Variants in CADPS2 observed in about 807,000 individuals in gnomAD.
CADPS2 encodes calcium-dependent secretion activator 2.
In CADPS2, 93 loss-of-function variants were observed where a neutral mutation model predicts 172.5. That is an observed-to-expected ratio of 0.54 (90% CI 0.46 to 0.64). The LOEUF is 0.64. Among genes scored for constraint, CADPS2 ranks in the 30% least tolerant of loss-of-function variants. CADPS2 has a pLI of 0.00. For synonymous variants in CADPS2, 546 were observed against 555.2 expected (o/e 0.98, Z 0.23); for missense variants, 1,420 against 1,565.9 (o/e 0.91, Z 1.57).
At chr7:122,575,863 C>T (rs2067973196) in intron 7 of CADPS2, among the ~76,000 whole-genome samples, 1 of 152,096 alleles carries the variant, frequency 6.6e-6, no homozygotes, top group Admixed American at 6.6e-5. Context: ...TTAAGACTTA[C>T]AGAAAAGTTG....
intron 6 of CADPS2, among the ~76,000 whole-genome samples, chr7:122,586,504 T>G (rs1449051496): frequency 6.6e-6 from 1 of 151,972 alleles, no homozygotes; most frequent in African/African-American, 2.4e-5. Context: ...ATTTATAAAA[T>G]TATATAAACT....
chr7:122,528,862 T>G (rs1273898521), intron 8 of CADPS2, among the ~76,000 whole-genome samples: 1 of 152,154 alleles, frequency 6.6e-6, no homozygotes, highest in Non-Finnish European at 1.5e-5. Flanking sequence ...TATATTAATT[T>G]GATACTTTCT....
chr7:122,754,242 C>A, intron 1 of CADPS2, among the ~76,000 whole-genome samples: 1 of 152,080 alleles, frequency 6.6e-6, no homozygotes, highest in African/African-American at 2.4e-5. Flanking sequence ...ACTAATTTTT[C>A]TTATTATTAG....
At chr7:122,510,725 G>A (rs766056729) in intron 9 of CADPS2, among the ~76,000 whole-genome samples, 4 of 152,086 alleles carry the variant, frequency 2.6e-5, no homozygotes, top group Admixed American at 6.6e-5. Flanking sequence ...GCAGCCTGCA[G>A]GTATGGACCT....
intron 6 of CADPS2, among the ~76,000 whole-genome samples, chr7:122,597,146 C>A (rs192899351): frequency 7.2e-5 from 11 of 152,196 alleles, no homozygotes; most frequent in African/African-American, 2.2e-4. Flanking sequence ...GGCCCCACCT[C>A]CAACACTGGA....
intron 1 of CADPS2, among the ~76,000 whole-genome samples, chr7:122,769,873 C>T (rs1414110280): frequency 6.6e-6 from 1 of 152,098 alleles, no homozygotes; most frequent in East Asian, 1.9e-4. Flanking sequence ...TGATAAAAAC[C>T]ACAAATGGCT....
chr7:122,356,860 A>C (rs1439773679), intron 27 of CADPS2, among the ~76,000 whole-genome samples: 2 of 152,064 alleles, frequency 1.3e-5, no homozygotes, highest in Non-Finnish European at 2.9e-5. Flanking sequence ...TGTTGCTACA[A>C]GATGCTCCAC....
chr7:122,849,288 G>C (rs538783822), intron 1 of CADPS2, among the ~76,000 whole-genome samples: 8 of 152,260 alleles, frequency 5.3e-5, no homozygotes, highest in Non-Finnish European at 7.4e-5. Flanking sequence ...AATATCTGGA[G>C]GAAACTATTT....
chr7:122,360,529 C>T (rs1355322848), intron 27 of CADPS2, among the ~76,000 whole-genome samples: 1 of 152,170 alleles, frequency 6.6e-6, no homozygotes, highest in East Asian at 1.9e-4. Flanking sequence ...TCCTAGAGTG[C>T]TATAACTTCC....
intron 8 of CADPS2, among the ~76,000 whole-genome samples, chr7:122,525,878 C>G (rs1381131632): frequency 6.6e-6 from 1 of 152,104 alleles, no homozygotes; most frequent in Non-Finnish European, 1.5e-5. Context: ...AATTGTAACA[C>G]AATGGCAAGT....
chr7:122,767,030 A>C (rs2093572793), intron 1 of CADPS2, among the ~76,000 whole-genome samples: 1 of 152,214 alleles, frequency 6.6e-6, no homozygotes, highest in South Asian at 2.1e-4. Context: ...TTAAATACTT[A>C]ATACAAAAAT....
chr7:122,503,135 G>T (rs1341129603), intron 9 of CADPS2, among the ~76,000 whole-genome samples: 1 of 138,052 alleles, frequency 7.2e-6, no homozygotes, highest in South Asian at 2.3e-4. Context: ...GGGTTCAAGC[G>T]ATTCTCCTGC....
chr7:122,421,934 C>T (rs1435250941), intron 17 of CADPS2: 1 of 152,226 alleles, frequency 6.6e-6, no homozygotes, highest in Non-Finnish European at 1.5e-5. Flanking sequence ...AAGTGGAAGT[C>T]TTTCACCTCT....
At position 122,480,856 on chromosome 7, in the gene CADPS2, A is replaced by T. The variant is rs1307349381; in HGVS notation, c.1857T>A (p.Gly619=). The T allele has an allele frequency of 3.2e-5, 49 of 1,521,512 alleles. No homozygotes were observed. The highest frequency in any genetic ancestry group is 4.0e-5 in the Non-Finnish European group (46 of 1,137,948). The allele number at this position is 1,521,512 out of a possible 1,614,324, so 94.3% of individuals were successfully genotyped here. A position where few individuals can be genotyped will look rare whatever the true frequency, so the allele number is the denominator to read the frequency against. The change falls in exon 12 of 30, where the codon GGT becomes GGA. Residue 619 remains glycine, a synonymous_variant. Coordinates refer to ENST00000449022, the MANE Select transcript of CADPS2 (RefSeq NM_017954.11). ...AAAAATCATGAAAATACTTACCTTTACCAGCTACAGGTCAGCAAAGAAATG... is the reference window on the plus strand; with the variant it reads ...AAAAATCATGAAAATACTTACCTTTTCCAGCTACAGGTCAGCAAAGAAATG... ...GTLHADAQLS[G]KDADRFQKHG...
At chr7:122,757,455 T>G (rs1260955000) in intron 1 of CADPS2, among the ~76,000 whole-genome samples, 1 of 152,028 alleles carries the variant, frequency 6.6e-6, no homozygotes. Flanking sequence ...GCCAGGAATG[T>G]TTTTTAAAGC....
chr7:122,433,141 TTGAGGCGTGTGTGTGTG>T (rs1011672945), intron 17 of CADPS2, among the ~76,000 whole-genome samples: 1 of 149,908 alleles, frequency 6.7e-6, no homozygotes, highest in Non-Finnish European at 1.5e-5. Flanking sequence ...ACTTGGCTAT[TTGAGGCGTGTGTGTGTG>T]TGTGTGGAGA....
intron 2 of CADPS2, among the ~76,000 whole-genome samples, chr7:122,724,396 G>A (rs2090860541): frequency 6.6e-6 from 1 of 151,918 alleles, no homozygotes; most frequent in Non-Finnish European, 1.5e-5. Context: ...TGTCGTATAA[G>A]CCATGGTATC....
At chr7:122,433,068 A>C (rs1482478732) in intron 17 of CADPS2, among the ~76,000 whole-genome samples, 1 of 152,096 alleles carries the variant, frequency 6.6e-6, no homozygotes, top group Admixed American at 6.5e-5. Flanking sequence ...TAAACTCCTA[A>C]GTTCACGCAG....
At chr7:122,636,104 G>A (rs1302799946) in intron 3 of CADPS2, among the ~76,000 whole-genome samples, 1 of 152,074 alleles carries the variant, frequency 6.6e-6, no homozygotes, top group Non-Finnish European at 1.5e-5. Context: ...TACATTCATG[G>A]ATAGTATTGA....
Sources: allele counts gnomAD v4.1 joint callset (sites outside exome capture counted in the v4.1 genomes callset), GRCh38; gene constraint gnomAD v4.1.1; transcripts MANE v1.5; gene names NCBI Gene and HGNC (gene_info 2026-07-23, HGNC 2026-07-21).